Variants in SHISA9 observed in about 807,000 individuals in gnomAD.
The protein encoded by SHISA9 is protein shisa-9.
In SHISA9, 13 loss-of-function variants were observed where a neutral mutation model predicts 38.0. The observed-to-expected ratio is 0.34, with a 90% CI of 0.22 to 0.54. SHISA9 has a LOEUF of 0.54. SHISA9 is among the 20% of genes least tolerant of loss of function. SHISA9 has a pLI of 0.91. For missense variants in SHISA9, 538 were observed against 575.8 expected (o/e 0.93, Z 0.67); for synonymous variants, 275 against 242.0 (o/e 1.14, Z -1.27).
At chr16:13,084,375 T>A (rs569022413) in intron 2 of SHISA9, among the ~76,000 whole-genome samples, 3 of 152,318 alleles carry the variant, frequency 2.0e-5, no homozygotes, top group Admixed American at 6.5e-5. Flanking sequence ...TTAGAACAAA[T>A]CTTGATCAGG....
At chr16:13,023,614 GA>G (rs1267935501) in intron 2 of SHISA9, among the ~76,000 whole-genome samples, 1 of 152,158 alleles carries the variant, frequency 6.6e-6, no homozygotes, top group Non-Finnish European at 1.5e-5. Flanking sequence ...CACAATGGTT[GA>G]ACTAATTTAC....
intron 2 of SHISA9, among the ~76,000 whole-genome samples, chr16:13,133,844 G>A (rs892842697): frequency 2.0e-5 from 3 of 152,176 alleles, no homozygotes; most frequent in Admixed American, 6.5e-5. Flanking sequence ...ATCAAAGGGG[G>A]TGTGAAATGG....
At chr16:13,019,099 A>G (rs1004829038) in intron 2 of SHISA9, among the ~76,000 whole-genome samples, 1 of 152,100 alleles carries the variant, frequency 6.6e-6, no homozygotes, top group African/African-American at 2.4e-5. Flanking sequence ...TCCCCAGTTC[A>G]ATAGATTCTC....
At chr16:13,349,618 T>G in the SHISA9 span, among the ~76,000 whole-genome samples, 1 of 152,242 alleles carries the variant, frequency 6.6e-6, no homozygotes, top group African/African-American at 2.4e-5. Context: ...AATTCCAAGT[T>G]GCACATCTTT....
intron 2 of SHISA9, among the ~76,000 whole-genome samples, chr16:13,037,687 G>A (rs1308265568): frequency 1.3e-5 from 2 of 152,102 alleles, no homozygotes; most frequent in Non-Finnish European, 2.9e-5. Flanking sequence ...CCTGGAATAA[G>A]CAGCCCCCTA....
At chr16:13,392,466 C>T in the SHISA9 span, among the ~76,000 whole-genome samples, 1 of 152,180 alleles carries the variant, frequency 6.6e-6, no homozygotes, top group Middle Eastern at 3.4e-3. Context: ...ATTGATTCAC[C>T]TACTGAAGGA....
At chr16:13,017,025 C>CTT (rs34082945) in intron 2 of SHISA9, among the ~76,000 whole-genome samples, 3 of 144,862 alleles carry the variant, frequency 2.1e-5, no homozygotes, top group East Asian at 2.0e-4. Context: ...TTTTTTCTTT[C>CTT]TTTTTTTTTT....
At chr16:13,178,181 G>C (rs1257667394) in intron 2 of SHISA9, among the ~76,000 whole-genome samples, 1 of 152,184 alleles carries the variant, frequency 6.6e-6, no homozygotes, top group Admixed American at 6.5e-5. Flanking sequence ...AAGTTGCTCA[G>C]AGCATTCTCC....
the SHISA9 span, among the ~76,000 whole-genome samples, chr16:13,483,103 A>G: frequency 6.6e-6 from 1 of 152,312 alleles, no homozygotes; most frequent in South Asian, 2.1e-4. Flanking sequence ...CCCATCACAG[A>G]CACATGTGGG....
chr16:13,018,873 C>A (rs992221880), intron 2 of SHISA9, among the ~76,000 whole-genome samples: 11 of 152,208 alleles, frequency 7.2e-5, no homozygotes, highest in African/African-American at 2.7e-4. Flanking sequence ...CAGATGGTCC[C>A]AGAACCGAAG....
At chr16:13,399,236 A>C in the SHISA9 span, among the ~76,000 whole-genome samples, 2 of 151,716 alleles carry the variant, frequency 1.3e-5, no homozygotes, top group African/African-American at 2.4e-5. Context: ...TGAATGATAG[A>C]GTGAGACCCC....
intron 2 of SHISA9, among the ~76,000 whole-genome samples, chr16:13,098,862 ACCCCCTTTGTC>A (rs1312650855): frequency 6.6e-6 from 1 of 152,116 alleles, no homozygotes; most frequent in Non-Finnish European, 1.5e-5. Context: ...GTCTTGGGCA[ACCCCCTTTGTC>A]TCTCTGAGAT....
At chr16:13,435,713 T>C in the SHISA9 span, among the ~76,000 whole-genome samples, 1 of 152,208 alleles carries the variant, frequency 6.6e-6, no homozygotes, top group Admixed American at 6.5e-5. Context: ...TGACAGGTTT[T>C]GCAAAAGAGT....
intron 2 of SHISA9, among the ~76,000 whole-genome samples, chr16:12,973,099 G>C (rs1343151940): frequency 6.6e-6 from 1 of 152,178 alleles, no homozygotes; most frequent in East Asian, 1.9e-4. Context: ...CTGGGCAACA[G>C]AGCAAGATTC....
the SHISA9 span, among the ~76,000 whole-genome samples, chr16:13,313,301 T>G: frequency 6.7e-6 from 1 of 148,410 alleles, no homozygotes; most frequent in Admixed American, 6.7e-5. Flanking sequence ...GAAATCAAGG[T>G]TTAGATATGT....
chr16:13,165,512 T>G (rs2050627916), intron 2 of SHISA9, among the ~76,000 whole-genome samples: 1 of 152,166 alleles, frequency 6.6e-6, no homozygotes, highest in South Asian at 2.1e-4. Flanking sequence ...GTAGTATAGG[T>G]AGTGTTTGAA....
chr16:13,181,340 C>T (rs933663594), intron 2 of SHISA9, among the ~76,000 whole-genome samples: 4 of 127,588 alleles, frequency 3.1e-5, no homozygotes, highest in South Asian at 5.2e-4. Flanking sequence ...CACACATATA[C>T]GAGCAAAGTA....
In SHISA9 at chr16:13,167,669, T is replaced by A. The variant is rs144026275; in HGVS notation, c.692-35725T>A. Among the ~76,000 whole-genome samples, 326 of 152,284 alleles carry A rather than the reference T, an allele frequency of 2.1e-3. 3 individuals are homozygous for A. The highest frequency in any genetic ancestry group is 7.5e-3 in the African/African-American group (310 of 41,568). On this transcript the variant is annotated intron_variant, in intron 2 of 4. Coordinates refer to ENST00000558583, the MANE Select transcript of SHISA9 (RefSeq NM_001145204.3). Reference sequence around the variant, plus strand: ...TGGTTGTTTAAAAGCATGTAGCACCTTCCCCCCTTCTCTCTCTTCCTCCTG... The same window carrying A: ...TGGTTGTTTAAAAGCATGTAGCACCATCCCCCCTTCTCTCTCTTCCTCCTG...
At chr16:13,551,108 T>C in the SHISA9 span, among the ~76,000 whole-genome samples, 59 of 145,370 alleles carry the variant, frequency 4.1e-4, no homozygotes, top group Admixed American at 1.5e-3. Flanking sequence ...TGGGCGACAG[T>C]GAGAGACTCC....
Sources: allele counts gnomAD v4.1 joint callset (sites outside exome capture counted in the v4.1 genomes callset), GRCh38; gene constraint gnomAD v4.1.1; transcripts MANE v1.5; gene names NCBI Gene and HGNC (gene_info 2026-07-23, HGNC 2026-07-21).